SEMA3D: variants seen among roughly 807,000 people sequenced by gnomAD.
The protein encoded by SEMA3D is semaphorin-3D.
In SEMA3D, 84 loss-of-function variants were observed where a neutral mutation model predicts 100.1. The ratio of observed to expected loss-of-function variants is 0.84; its 90% CI spans 0.70 to 1.01. The LOEUF (loss-of-function observed/expected upper bound fraction) is 1.01. Ranked by LOEUF, SEMA3D falls within the 50% of genes least tolerant of loss-of-function variation. The pLI, the probability that SEMA3D is intolerant of heterozygous loss-of-function variation, is 0.00. For synonymous variants in SEMA3D, 312 were observed against 320.7 expected, an observed-to-expected ratio of 0.97 and a Z score of 0.29; for missense variants, 875 against 934.1, an observed-to-expected ratio of 0.94 and a Z score of 0.82.
rs1165953881 is a variant in SEMA3D, at chr7:85,147,092, C to CTTTTCTTTTTT, written c.-41+6515_-41+6516insAAAAAAGAAAA. ...TCTTTCTTTCTTTTCTTTTTCTTTT[C>CTTTTCTTTTTT]TTTTTTTTTTTTTTTTTTTTTTTTT... On this transcript the variant is annotated intron_variant, in intron 2 of 18. Transcript: ENST00000284136. Among the ~76,000 whole-genome samples, 167 of 48,180 alleles carry CTTTTCTTTTTT rather than the reference C, an allele frequency of 3.5e-3. 2 individuals carry two copies. Among genetic ancestry groups the CTTTTCTTTTTT allele is most frequent in the Non-Finnish European group, 4.7e-3 (119 of 25,356 alleles). 31.6% of individuals were successfully genotyped at this position (48,180 alleles called of 152,430 possible). A position where few individuals can be genotyped will look rare whatever the true frequency, so the allele number is the denominator to read the frequency against.
chr7:85,176,498 G>C (rs746401649), intron 1 of SEMA3D, among the ~76,000 whole-genome samples: 2 of 152,064 alleles, frequency 1.3e-5, no homozygotes, highest in Non-Finnish European at 2.9e-5. Context: ...ACTTTCAGCT[G>C]TTGCCCCAGT....
the SEMA3D span, among the ~76,000 whole-genome samples, chr7:85,231,592 A>C: frequency 9.9e-5 from 15 of 152,006 alleles, no homozygotes; most frequent in East Asian, 2.7e-3. Flanking sequence ...CTGGGACTAC[A>C]GGCGTCTGCC....
chr7:85,148,623 C>A (rs1317879020), intron 2 of SEMA3D, among the ~76,000 whole-genome samples: 1 of 152,096 alleles, frequency 6.6e-6, no homozygotes, highest in African/African-American at 2.4e-5. Flanking sequence ...GGTTTCTTTG[C>A]AGTTAGGGTA....
chr7:85,029,137 T>A (rs1240991382), intron 12 of SEMA3D: 1 of 627,186 alleles, frequency 1.6e-6, no homozygotes, highest in East Asian at 3.0e-5. Flanking sequence ...GCCTAGCATG[T>A]CATTGCCAAG....
At chr7:85,051,334 A>T (rs1562797651) in intron 9 of SEMA3D, among the ~76,000 whole-genome samples, 1 of 151,894 alleles carries the variant, frequency 6.6e-6, no homozygotes, top group Non-Finnish European at 1.5e-5. Context: ...TCTAATACCT[A>T]GTCTTTAATC....
chr7:85,243,710 G>A, the SEMA3D span, among the ~76,000 whole-genome samples: 11 of 152,270 alleles, frequency 7.2e-5, no homozygotes, highest in South Asian at 1.7e-3. Context: ...AATCTTCCAC[G>A]TGAAATGTGA....
At chr7:85,041,993 G>C (rs181807934) in intron 10 of SEMA3D, 178 bp downstream of exon 10, 1 of 587,516 alleles carries the variant, frequency 1.7e-6, no homozygotes, top group African/African-American at 1.8e-5. Context: ...GCATTATGAC[G>C]TGTGCCCAGA....
chr7:85,246,842 C>A, the SEMA3D span, among the ~76,000 whole-genome samples: 1 of 150,822 alleles, frequency 6.6e-6, no homozygotes, highest in Non-Finnish European at 1.5e-5. Context: ...GATGAGCCTC[C>A]GTATAGTAGC....
the SEMA3D span, among the ~76,000 whole-genome samples, chr7:85,205,384 A>G: frequency 1.3e-5 from 2 of 152,158 alleles, no homozygotes; most frequent in Admixed American, 1.3e-4. Flanking sequence ...GCTTAATTTA[A>G]TCATTATACA....
chr7:85,093,991 G>C (rs542822499), intron 4 of SEMA3D, among the ~76,000 whole-genome samples: 1 of 152,066 alleles, frequency 6.6e-6, no homozygotes, highest in African/African-American at 2.4e-5. Flanking sequence ...AATATAATTC[G>C]ATAAAGCCTT....
chr7:85,075,438 A>C (rs1383235069), intron 5 of SEMA3D, among the ~76,000 whole-genome samples: 2 of 150,882 alleles, frequency 1.3e-5, no homozygotes, highest in African/African-American at 4.9e-5. Context: ...AAAAAAAAAA[A>C]CCTCTGAATC....
In SEMA3D at chr7:85,140,097, G is replaced by A. The variant is rs1161116175; in HGVS notation, c.-41+13511C>T. The A allele has an allele frequency of 8.5e-6, 3 of 354,792 alleles. No homozygotes were observed. The Admixed American group carries it at 1.9e-4, about 23-fold the overall frequency. 22.0% of individuals were successfully genotyped at this position (354,792 alleles called of 1,614,324 possible). ...ATTAATATATTAACAATATATTACT[G>A]CAGACTACTATTATCATATAATTTT... On this transcript the variant is annotated intron_variant, in intron 2 of 18. Transcript: ENST00000284136.
chr7:85,097,350 A>G (rs1238556751), intron 4 of SEMA3D, among the ~76,000 whole-genome samples: 3 of 151,812 alleles, frequency 2.0e-5, no homozygotes, highest in African/African-American at 2.4e-5. Flanking sequence ...GAGAGTTTGG[A>G]AAAAGCAGTA....
Position 85,072,913 on chromosome 7 carries a change from G to A in SEMA3D, c.495+49C>T, listed in dbSNP as rs1791814988. The A allele has an allele frequency of 4.9e-6, 7 of 1,415,498 alleles. No homozygotes were observed. In the East Asian group the frequency reaches 9.3e-5, roughly 19 times the overall value. 87.7% of individuals were successfully genotyped at this position (1,415,498 alleles called of 1,614,324 possible). A position where few individuals can be genotyped will look rare whatever the true frequency, so the allele number is the denominator to read the frequency against. On this transcript the variant is annotated intron_variant, in intron 6 of 18. Coordinates refer to ENST00000284136, the MANE Select transcript of SEMA3D (RefSeq NM_001384900.1). ...TGTTTTATGTCATAGGAATTAAGTA[G>A]TAATGTATTACAATAAATTATGCTT... is the stretch of plus-strand genomic sequence containing the variant.
At chr7:85,175,451 G>A (rs772910044) in intron 1 of SEMA3D, among the ~76,000 whole-genome samples, 4 of 152,094 alleles carry the variant, frequency 2.6e-5, no homozygotes, top group African/African-American at 9.7e-5. Flanking sequence ...TTGAAAACCC[G>A]AACAATGAAT....
chr7:85,101,632 G>T (rs1221946833), intron 3 of SEMA3D, among the ~76,000 whole-genome samples: 1 of 151,956 alleles, frequency 6.6e-6, no homozygotes, highest in Non-Finnish European at 1.5e-5. Context: ...CTGGCACATA[G>T]TAAGTGCTAT....
At chr7:85,131,427 A>G (rs904439869) in intron 2 of SEMA3D, among the ~76,000 whole-genome samples, 5 of 152,118 alleles carry the variant, frequency 3.3e-5, no homozygotes, top group Admixed American at 1.3e-4. Flanking sequence ...TTTAAATTAA[A>G]TCACATAATT....
At chr7:85,078,024 G>A (rs1055716493) in intron 5 of SEMA3D, among the ~76,000 whole-genome samples, 43 of 152,028 alleles carry the variant, frequency 2.8e-4, no homozygotes, top group African/African-American at 9.7e-4. Flanking sequence ...AATGACATGG[G>A]AAAATGCTCA....
At chr7:85,033,858 T>TACACACACACACACACACACACAC (rs71082183) in intron 12 of SEMA3D, among the ~76,000 whole-genome samples, 2 of 141,190 alleles carry the variant, frequency 1.4e-5, no homozygotes, top group African/African-American at 5.2e-5. Context: ...ATCACACACA[T>TACACACACACACACACACACACAC]ACACACACAC....
Sources: gnomAD v4.1 joint callset for allele counts (sites outside exome capture counted in the v4.1 genomes callset) on GRCh38, gnomAD v4.1.1 for gene constraint, MANE v1.5 for transcripts, NCBI Gene and HGNC (gene_info 2026-07-23, HGNC 2026-07-21) for gene names.